PSME4: variants seen among roughly 807,000 people sequenced by gnomAD.
PSME4 encodes proteasome activator subunit 4.
A neutral mutation model predicts 253.9 loss-of-function variants in PSME4; 89 were observed. The observed-to-expected ratio is 0.35, with a 90% CI of 0.30 to 0.42. The LOEUF (loss-of-function observed/expected upper bound fraction) is 0.42. Among genes scored for constraint, PSME4 ranks in the 10% least tolerant of loss-of-function variants. The probability of loss-of-function intolerance (pLI) is 1.00; values close to 1 mark genes in which losing one functional copy is unlikely to be tolerated. For missense variants in PSME4, 2,014 were observed against 2,195.2 expected, an observed-to-expected ratio of 0.92 and a Z score of 1.65; for synonymous variants, 851 against 759.2, an observed-to-expected ratio of 1.12 and a Z score of -1.99.
chr2:53,940,952 CATATATATATAT>C (rs1169212491), intron 3 of PSME4, among the ~76,000 whole-genome samples: 2 of 24,030 alleles, frequency 8.3e-5, no homozygotes, highest in African/African-American at 3.2e-4. Context: ...TATATATATA[CATATATATATAT>C]ATATATATAT....
chr2:53,949,564 G>A (rs938674039), intron 1 of PSME4, among the ~76,000 whole-genome samples: 2 of 151,854 alleles, frequency 1.3e-5, no homozygotes, highest in Non-Finnish European at 2.9e-5. Flanking sequence ...AACCAGTGAT[G>A]AGGATGATTC....
At chr2:53,930,111 T>C (rs1456954372) in intron 10 of PSME4, among the ~76,000 whole-genome samples, 1 of 152,062 alleles carries the variant, frequency 6.6e-6, no homozygotes, top group Non-Finnish European at 1.5e-5. Flanking sequence ...ACTGAAAGTC[T>C]CAAAAAATGT....
intron 1 of PSME4, among the ~76,000 whole-genome samples, chr2:53,967,206 T>C (rs2104494414): frequency 6.6e-6 from 1 of 152,310 alleles, no homozygotes; most frequent in Non-Finnish European, 1.5e-5. Context: ...CAACCTCTCT[T>C]GACCAGACAG....
At chr2:53,936,261 G>A (rs1196411798) in intron 6 of PSME4, 100 bp from the exon 7 acceptor site, 1 of 1,516,864 alleles carries the variant, frequency 6.6e-7, no homozygotes, top group East Asian at 2.4e-5. Flanking sequence ...GCAATCATTA[G>A]TGCAATCTAC....
chr2:53,906,752 T>C, intron 25 of PSME4, 54 bp downstream of exon 25: 1 of 1,598,898 alleles, frequency 6.3e-7, no homozygotes, highest in Non-Finnish European at 8.5e-7. Flanking sequence ...AACTAAATAC[T>C]CATCTGGAAA....
Position 53,940,958 on chromosome 2 carries a change from TATATATATATATATATATATATATA to T in PSME4, c.501-983_501-959del, listed in dbSNP as rs1669399732. Among the ~76,000 whole-genome samples, 108 of 49,560 alleles carry T rather than the reference TATATATATATATATATATATATATA, an allele frequency of 2.2e-3. 8 individuals are homozygous for T. The highest frequency in any genetic ancestry group is 2.8e-3 in the Non-Finnish European group (61 of 21,968). The allele number at this position is 49,560 out of a possible 152,430, so 32.5% of individuals were successfully genotyped here. A position where few individuals can be genotyped will look rare whatever the true frequency, so the allele number is the denominator to read the frequency against. ...ATATATAAATATATATATACATATATATATATATATATATATATATATATATATATATATATATATATGAAAGGAG... is the reference window on the plus strand; with the variant it reads ...ATATATAAATATATATATACATATATTATATATATATATATATGAAAGGAG... On this transcript the variant is annotated intron_variant, in intron 3 of 46. Transcript: ENST00000404125.
At chr2:53,890,003 AAAAGATTT>A in intron 37 of PSME4, 93 bp downstream of exon 37, 1 of 939,558 alleles carries the variant, frequency 1.1e-6, no homozygotes, top group Middle Eastern at 2.3e-4. Context: ...ACAAAACCCA[AAAAGATTT>A]AAGAAGTGTT....
chr2:53,966,274 A>G (rs1558435760), intron 1 of PSME4, among the ~76,000 whole-genome samples: 1 of 152,074 alleles, frequency 6.6e-6, no homozygotes, highest in Non-Finnish European at 1.5e-5. Context: ...ACAGAGCGAG[A>G]CTCTGTCTCA....
In PSME4 at chr2:53,949,321, T is replaced by C. The variant is rs537785468; in HGVS notation, c.243-38A>G. ...AATAGATATACCCTTTAAAAATAGG[T>C]ATGATGACACATCCATGTTCAATGC... On this transcript the variant is annotated intron_variant, in intron 1 of 46. Transcript: ENST00000404125. The C allele has an allele frequency of 1.6e-4, 219 of 1,345,778 alleles. No individual in the cohort carries two copies. In the African/African-American group the frequency reaches 2.7e-3, roughly 17 times the overall value. The allele number at this position is 1,345,778 out of a possible 1,614,324, so 83.4% of individuals were successfully genotyped here.
At chr2:53,922,345 C>A (rs1487419097) in intron 17 of PSME4, among the ~76,000 whole-genome samples, 172 bp downstream of exon 17, 1 of 152,176 alleles carries the variant, frequency 6.6e-6, no homozygotes, top group Non-Finnish European at 1.5e-5. Flanking sequence ...ATCAACTACA[C>A]CACTCCTTTG....
intron 41 of PSME4, among the ~76,000 whole-genome samples, chr2:53,881,030 G>C (rs76548870): frequency 4.3e-3 from 647 of 152,150 alleles, no homozygotes; most frequent in African/African-American, 0.015. Context: ...ATGAAATTAA[G>C]ACACAATACT....
intron 34 of PSME4, 22 bp downstream of exon 34, chr2:53,894,985 C>G (rs201044705): frequency 1.6e-5 from 26 of 1,594,880 alleles, no homozygotes; most frequent in Non-Finnish European, 5.1e-6. Context: ...GCATTTGAAC[C>G]ATGGTGAAAT....
chr2:53,970,511 C>A, intron 1 of PSME4, 32 bp downstream of exon 1: 1 of 1,547,742 alleles, frequency 6.5e-7, no homozygotes, highest in South Asian at 1.2e-5. Flanking sequence ...GCCTTTCCCC[C>A]CGGCCCGGCC....
intron 1 of PSME4, among the ~76,000 whole-genome samples, chr2:53,966,059 G>A (rs999834341): frequency 6.6e-6 from 1 of 152,124 alleles, no homozygotes; most frequent in Non-Finnish European, 1.5e-5. Context: ...GAGATCTTGG[G>A]CGGATCATTT....
chr2:53,867,584 G>A (rs1012202881), intron 44 of PSME4, among the ~76,000 whole-genome samples: 1 of 147,458 alleles, frequency 6.8e-6, no homozygotes, highest in African/African-American at 2.5e-5. Context: ...CAGGAGGATC[G>A]CTTGAGCCTG....
intron 20 of PSME4, among the ~76,000 whole-genome samples, chr2:53,910,847 A>G (rs1262661420): frequency 6.6e-6 from 1 of 152,188 alleles, no homozygotes; most frequent in Admixed American, 6.5e-5. Context: ...AATTTTCAAT[A>G]CTTTATTTCA....
rs76849272 is a variant in PSME4, at chr2:53,907,023, A to G, written c.2785-155T>C. Reference sequence around the variant, plus strand: ...TTTATTCTAAAGACATCAGGCTTATATAAAAATGTTGTCTTAATTTTTATG... The same window carrying G: ...TTTATTCTAAAGACATCAGGCTTATGTAAAAATGTTGTCTTAATTTTTATG... On this transcript the variant is annotated intron_variant, in intron 24 of 46. Transcript: ENST00000404125. 1.5e-4 allele frequency among the ~76,000 whole-genome samples: 21 copies of G among 137,190 alleles called. No homozygotes were observed. In the East Asian group the frequency reaches 4.4e-3, roughly 29 times the overall value. 90.0% of individuals were successfully genotyped at this position (137,190 alleles called of 152,430 possible).
At position 53,969,537 on chromosome 2, in the gene PSME4, C is replaced by T. The variant is rs1387612688; in HGVS notation, c.242+1006G>A. 2.0e-5 allele frequency among the ~76,000 whole-genome samples: 3 copies of T among 152,184 alleles called. No individual in the cohort carries two copies. The East Asian group carries it at 5.8e-4, about 29-fold the overall frequency. Reference sequence around the variant, plus strand: ...TTGTGTGTTCACCCGTCCATACCCACATGCGTGAACATACCATGTTACTAG... The same window carrying T: ...TTGTGTGTTCACCCGTCCATACCCATATGCGTGAACATACCATGTTACTAG... On this transcript the variant is annotated intron_variant, in intron 1 of 46. Transcript: ENST00000404125.
At chr2:53,871,302 G>A (rs1361444578) in intron 43 of PSME4, among the ~76,000 whole-genome samples, 1 of 151,936 alleles carries the variant, frequency 6.6e-6, no homozygotes, top group Non-Finnish European at 1.5e-5. Context: ...CCAGGATGGA[G>A]TGCAGTGGCA....
Sources: gnomAD v4.1 joint callset for allele counts (sites outside exome capture counted in the v4.1 genomes callset) on GRCh38, gnomAD v4.1.1 for gene constraint, MANE v1.5 for transcripts, NCBI Gene and HGNC (gene_info 2026-07-23, HGNC 2026-07-21) for gene names.